Variants in SF3B3 observed in about 807,000 individuals in gnomAD.
SF3B3 encodes the protein SAP 130.
A neutral mutation model predicts 139.2 loss-of-function variants in SF3B3; 33 were observed. The ratio of observed to expected loss-of-function variants is 0.24; its 90% CI spans 0.18 to 0.32. The LOEUF (loss-of-function observed/expected upper bound fraction) is 0.32. SF3B3 is among the 10% of genes least tolerant of loss of function. The pLI, the probability that SF3B3 is intolerant of heterozygous loss-of-function variation, is 1.00. For missense variants in SF3B3, 818 were observed against 1,509.4 expected (o/e 0.54, Z 7.59); for synonymous variants, 596 against 563.6 (o/e 1.06, Z -0.81).
chr16:70,575,100 G>A lies in SF3B3; in HGVS notation c.*3287G>A, dbSNP rs2050565015. 2 of 152,008 alleles carry A rather than the reference G, an allele frequency of 1.3e-5. No homozygotes were observed. Among genetic ancestry groups the A allele is most frequent in the Admixed American group, 6.5e-5 (1 of 15,270 alleles). 9.4% of individuals were successfully genotyped at this position (152,008 alleles called of 1,614,324 possible). A position where few individuals can be genotyped will look rare whatever the true frequency, so the allele number is the denominator to read the frequency against. ...GCCCAACACACCCTGTGAAGTTCAG[G>A]TGAACTGAAATGGGCAGGTGTAGGC... On this transcript the variant is annotated 3_prime_UTR_variant, in exon 26 of 26. Transcript: ENST00000302516.
At chr16:70,567,238 A>G (rs1032008949) in intron 20 of SF3B3, among the ~76,000 whole-genome samples, 173 bp from the exon 21 acceptor site, 2 of 152,174 alleles carry the variant, frequency 1.3e-5, no homozygotes, top group Non-Finnish European at 2.9e-5. Flanking sequence ...TACTGAGTGA[A>G]TGCAGCATGC....
intron 15 of SF3B3, among the ~76,000 whole-genome samples, chr16:70,559,843 T>C (rs1197569208): frequency 6.6e-6 from 1 of 151,952 alleles, no homozygotes; most frequent in Non-Finnish European, 1.5e-5. Context: ...CCTCAAGCAG[T>C]CGTCCTTCCT....
chr16:70,565,308 G>C (rs1243110321), intron 19 of SF3B3, 38 bp downstream of exon 19: 1 of 1,613,484 alleles, frequency 6.2e-7, no homozygotes, highest in Non-Finnish European at 8.5e-7. Context: ...TGGCAGGCTG[G>C]AACAGGAGCT....
chr16:70,533,984 G>A (rs913817553), intron 5 of SF3B3, among the ~76,000 whole-genome samples: 3 of 152,182 alleles, frequency 2.0e-5, no homozygotes, highest in African/African-American at 4.8e-5. Context: ...TGAAAAATTA[G>A]ACGTGGTGCC....
intron 5 of SF3B3, 79 bp from the exon 6 acceptor site, chr16:70,535,229 T>A: frequency 1.5e-6 from 1 of 655,008 alleles, no homozygotes; most frequent in Non-Finnish European, 2.7e-6. Flanking sequence ...CAAGTTGTGC[T>A]GAAAGAGAGG....
chr16:70,564,936 G>A, intron 18 of SF3B3, 129 bp from the exon 19 acceptor site: 1 of 762,730 alleles, frequency 1.3e-6, no homozygotes, highest in Non-Finnish European at 2.3e-6. Flanking sequence ...GGGAAATCCT[G>A]GCTGGGATGG....
intron 17 of SF3B3, among the ~76,000 whole-genome samples, chr16:70,562,610 T>C (rs937901114): frequency 6.6e-6 from 1 of 152,194 alleles, no homozygotes; most frequent in Non-Finnish European, 1.5e-5. Context: ...CATACCTGCC[T>C]GTCAGTGTTC....
chr16:70,538,502 A>G (rs2050188950), intron 7 of SF3B3, 42 bp downstream of exon 7: 2 of 1,540,842 alleles, frequency 1.3e-6, no homozygotes, highest in African/African-American at 1.4e-5. Flanking sequence ...ACTCTATGAG[A>G]TGAGATAGGC....
chr16:70,560,687 G>T (rs1471670415), intron 16 of SF3B3, 96 bp downstream of exon 16: 1 of 1,400,842 alleles, frequency 7.1e-7, no homozygotes, highest in Non-Finnish European at 9.9e-7. Flanking sequence ...TCACTAATTT[G>T]CCACTCCATC....
chr16:70,567,535 A>G lies in SF3B3; in HGVS notation c.2951A>G (p.Lys984Arg). The G allele has an allele frequency of 6.2e-7, 1 of 1,613,220 alleles. No individual in the cohort carries two copies. The highest frequency in any genetic ancestry group is 1.1e-5 in the South Asian group (1 of 90,894). Residue 984 changes from lysine (K) to arginine (R), a missense_variant and splice_region_variant, in exon 21 of 26, where the codon AAG becomes AGG. This residue lies in a region of SF3B3 where 145 missense variants were observed against 153.6 expected (regional missense o/e 0.94). Coordinates refer to ENST00000302516, the MANE Select transcript of SF3B3 (RefSeq NM_012426.5). ...AAGTTACTCCGAAAATGTGAGAATA[A>G]GGTAAGTGTGCTGGCATTGGTGCTG... ...KKKLLRKCEN[K>R]HIANYISGIQ...
rs2050066497 is a variant in SF3B3 at position 70,526,545 on chromosome 16, G to C, written c.-70-42G>C. The C allele has an allele frequency of 5.7e-6, 4 of 696,308 alleles. No homozygotes were observed. The East Asian group carries it at 1.1e-4, about 18-fold the overall frequency. The allele number at this position is 696,308 out of a possible 1,614,324, so 43.1% of individuals were successfully genotyped here. A position where few individuals can be genotyped will look rare whatever the true frequency, so the allele number is the denominator to read the frequency against. The stretch of plus-strand genomic sequence containing the variant: ...TTCCCATACAGAAATGTCTGTTGAA[G>C]TAATAGTCTCCCAGCTATTTTTCTG... On this transcript the variant is annotated intron_variant, in intron 1 of 25. Transcript: ENST00000302516.
intron 10 of SF3B3, 140 bp from the exon 11 acceptor site, chr16:70,548,230 C>G (rs945686255): frequency 4.4e-6 from 3 of 679,176 alleles, no homozygotes; most frequent in Admixed American, 2.5e-5. Flanking sequence ...TTAGATTCTT[C>G]TTTCACTAGG....
Position 70,563,844 on chromosome 16 carries a change from T to A in SF3B3, c.2289-32T>A, listed in dbSNP as rs763458341. The A allele has an allele frequency of 3.7e-6, 6 of 1,609,832 alleles. No individual in the cohort carries two copies. The East Asian group carries it at 1.3e-4, about 36-fold the overall frequency. On this transcript the variant is annotated intron_variant, in intron 17 of 25. Coordinates refer to ENST00000302516, the MANE Select transcript of SF3B3 (RefSeq NM_012426.5). ...ACACCAGTTTCTGGGTCCGAGTGAG[T>A]ATTAAATAACTGCCTTGCTTTTTTG...
At chr16:70,567,708 C>T (rs911107888) in intron 21 of SF3B3, among the ~76,000 whole-genome samples, 172 bp downstream of exon 21, 8 of 152,208 alleles carry the variant, frequency 5.3e-5, no homozygotes, top group African/African-American at 9.6e-5. Context: ...GTTTTTGAGA[C>T]GGAGTCTCGC....
chr16:70,558,490 C>G (rs1467223852), intron 15 of SF3B3, among the ~76,000 whole-genome samples: 1 of 151,890 alleles, frequency 6.6e-6, no homozygotes, highest in African/African-American at 2.4e-5. Flanking sequence ...AATTGCTGAG[C>G]TATTTCACCT....
At chr16:70,548,539 A>G (rs1273918372) in intron 11 of SF3B3, 97 bp downstream of exon 11, 16 of 1,058,678 alleles carry the variant, frequency 1.5e-5, no homozygotes, top group Non-Finnish European at 2.2e-5. Context: ...GTATCATTTC[A>G]TTTAGCACCA....
chr16:70,532,369 A>AAAAAAAAAAAAAAG, intron 4 of SF3B3, 110 bp from the exon 5 acceptor site: 1 of 880,804 alleles, frequency 1.1e-6, no homozygotes, highest in Non-Finnish European at 1.7e-6. Flanking sequence ...AAAAAAAAAG[A>AAAAAAAAAAAAAAG]AGACATTTGT....
At chr16:70,534,072 A>G (rs545554087) in intron 5 of SF3B3, among the ~76,000 whole-genome samples, 3 of 152,322 alleles carry the variant, frequency 2.0e-5, no homozygotes, top group African/African-American at 7.2e-5. Flanking sequence ...GCCAAATGCC[A>G]TGACAGCACA....
In SF3B3 at chr16:70,538,382, C is replaced by T. The variant is rs1217615885; in HGVS notation, c.885C>T (p.Thr295=). 1 of 1,613,774 alleles carries T rather than the reference C, an allele frequency of 6.2e-7. No homozygotes were observed. Among genetic ancestry groups the T allele is most frequent in the Non-Finnish European group, 8.5e-7 (1 of 1,179,690 alleles). ...TTGTCTGCTCTGCAACCCATAAAAC[C>T]AAATCGATGTTCTTCTTTTTGGCTC... ...MIFVCSATHK[T]KSMFFFLAQT... is the part of the protein sequence containing the mutation. The change falls in exon 7 of 26, where the codon ACC becomes ACT. Residue 295 remains threonine, a synonymous_variant. Transcript: ENST00000302516.
Sources: allele counts gnomAD v4.1 joint callset (sites outside exome capture counted in the v4.1 genomes callset), GRCh38; gene constraint gnomAD v4.1.1; regional missense constraint gnomAD v4.1.1; transcripts MANE v1.5; gene names NCBI Gene and HGNC (gene_info 2026-07-23, HGNC 2026-07-21).